TENM2: variants seen among roughly 807,000 people sequenced by gnomAD.
TENM2 encodes the protein teneurin transmembrane protein 2.
Under a neutral mutation model 245.2 loss-of-function variants are expected in TENM2, and 52 were observed. That is an observed-to-expected ratio of 0.21 (90% CI 0.17 to 0.27). The LOEUF (loss-of-function observed/expected upper bound fraction) is 0.27, where lower values mean the gene tolerates loss of function less well. TENM2 is among the 10% of genes least tolerant of loss of function. TENM2 has a pLI of 1.00. For missense variants in TENM2, 3,046 were observed against 3,666.8 expected (o/e 0.83, Z 4.37); for synonymous variants, 1,363 against 1,438.9 (o/e 0.95, Z 1.19).
At chr5:167,690,473 C>G (rs1206311162) in intron 2 of TENM2, among the ~76,000 whole-genome samples, 2 of 152,068 alleles carry the variant, frequency 1.3e-5, no homozygotes, top group Non-Finnish European at 2.9e-5. Flanking sequence ...GGAAGGACTT[C>G]TCATATTTAT....
the TENM2 span, among the ~76,000 whole-genome samples, chr5:167,106,100 A>G: frequency 2.0e-5 from 3 of 152,002 alleles, no homozygotes; most frequent in African/African-American, 7.3e-5. Context: ...ATATTTAAGG[A>G]TTGAATGAGA....
intron 1 of TENM2, among the ~76,000 whole-genome samples, chr5:167,300,265 GAAGTA>G (rs1326721445): frequency 1.3e-5 from 2 of 152,206 alleles, no homozygotes; most frequent in African/African-American, 2.4e-5. Flanking sequence ...GGGCTTGACT[GAAGTA>G]AAGGGGACTG....
At chr5:167,889,921 G>C (rs546642008) in intron 3 of TENM2, among the ~76,000 whole-genome samples, 16 of 152,308 alleles carry the variant, frequency 1.1e-4, no homozygotes, top group Non-Finnish European at 1.8e-4. Flanking sequence ...ACACTAGGCA[G>C]ACTTGGCCTT....
intron 2 of TENM2, among the ~76,000 whole-genome samples, chr5:167,650,647 G>C (rs1754397529): frequency 6.6e-6 from 1 of 152,120 alleles, no homozygotes; most frequent in South Asian, 2.1e-4. Context: ...ATGATACTGG[G>C]AGACAAAATA....
chr5:168,238,227 A>AAG (rs1765728184), intron 25 of TENM2, among the ~76,000 whole-genome samples: 3 of 70,974 alleles, frequency 4.2e-5, no homozygotes, highest in Non-Finnish European at 6.1e-5. Context: ...GAGAGAAGAA[A>AAG]AGAAAAGAAA....
the TENM2 span, among the ~76,000 whole-genome samples, chr5:167,133,618 G>GA: frequency 0.72 from 99,997 of 138,834 alleles, 38,973 homozygotes; most frequent in Middle Eastern, 0.88. Flanking sequence ...CTCAAACTTG[G>GA]AAAAAAAAAA....
chr5:168,262,383 C>A (rs1434342309), exon 29 of TENM2: 1 of 1,598,364 alleles, frequency 6.3e-7, no homozygotes, highest in South Asian at 1.1e-5. Context: ...GACCTGGTCA[C>A]ACTAGGCACC....
intron 2 of TENM2, among the ~76,000 whole-genome samples, chr5:167,712,002 A>G (rs1758942730): frequency 6.6e-6 from 1 of 152,200 alleles, no homozygotes. Context: ...AATCCTTATC[A>G]TATCTATGAA....
At chr5:167,869,420 T>A (rs990176092) in intron 2 of TENM2, among the ~76,000 whole-genome samples, 2 of 152,188 alleles carry the variant, frequency 1.3e-5, no homozygotes, top group African/African-American at 4.8e-5. Context: ...ATTCTTACCT[T>A]TGGGTATGTT....
intron 3 of TENM2, among the ~76,000 whole-genome samples, chr5:167,883,662 A>G (rs551821864): frequency 2.6e-4 from 40 of 152,346 alleles, no homozygotes; most frequent in African/African-American, 8.2e-4. Context: ...CTTGGTACAT[A>G]TAAAAAGATG....
At chr5:167,905,566 T>G (rs1776028424) in intron 3 of TENM2, among the ~76,000 whole-genome samples, 1 of 152,202 alleles carries the variant, frequency 6.6e-6, no homozygotes, top group South Asian at 2.1e-4. Context: ...TGAGACCTTT[T>G]TAAATTTAGC....
At chr5:168,126,625 C>G (rs1169515284) in intron 11 of TENM2, 129 bp from the exon 14 acceptor site, 2 of 668,674 alleles carry the variant, frequency 3.0e-6, no homozygotes, top group East Asian at 5.6e-5. Flanking sequence ...GAGAGACAAG[C>G]CTCCAAAGAT....
At chr5:167,783,150 T>G (rs1477906230) in intron 2 of TENM2, among the ~76,000 whole-genome samples, 1 of 151,012 alleles carries the variant, frequency 6.6e-6, no homozygotes, top group Non-Finnish European at 1.5e-5. Flanking sequence ...GATGAAACAT[T>G]GATTGGCTTC....
intron 2 of TENM2, among the ~76,000 whole-genome samples, chr5:167,675,131 T>C (rs1056881163): frequency 1.8e-4 from 27 of 152,088 alleles, no homozygotes; most frequent in African/African-American, 6.5e-4. Flanking sequence ...CCAATGCCAA[T>C]ATAATATAAT....
chr5:167,009,478 G>T, the TENM2 span, among the ~76,000 whole-genome samples: 25 of 152,086 alleles, frequency 1.6e-4, no homozygotes, highest in African/African-American at 5.5e-4. Context: ...TTTCTTTTTG[G>T]AATAAGGTGT....
intron 27 of TENM2, among the ~76,000 whole-genome samples, chr5:168,249,453 G>GGTGTGTGTGTGTGTGT (rs3084277): frequency 0.028 from 4,125 of 148,852 alleles, 92 homozygotes; most frequent in African/African-American, 0.046. Flanking sequence ...GTTCTCTCAA[G>GGTGTGTGTGTGTGTGT]GTGTGTGTGT....
chr5:167,786,108 T>C (rs1764561705), intron 2 of TENM2, among the ~76,000 whole-genome samples: 1 of 152,250 alleles, frequency 6.6e-6, no homozygotes, highest in South Asian at 2.1e-4. Context: ...CATTTTTTTT[T>C]CTGTCTCTGA....
intron 2 of TENM2, among the ~76,000 whole-genome samples, chr5:167,518,091 C>G (rs1027488685): frequency 6.6e-6 from 1 of 151,466 alleles, no homozygotes; most frequent in African/African-American, 2.4e-5. Context: ...GAGGCTGAGG[C>G]AGGAGATTGT....
At chr5:167,011,897 A>T in the TENM2 span, among the ~76,000 whole-genome samples, 3 of 152,032 alleles carry the variant, frequency 2.0e-5, no homozygotes, top group Non-Finnish European at 4.4e-5. Context: ...TGACTTGTAA[A>T]AGTGCATTGT....
Sources: gnomAD v4.1 joint callset for allele counts (sites outside exome capture counted in the v4.1 genomes callset) on GRCh38, gnomAD v4.1.1 for gene constraint, MANE v1.5 for transcripts, NCBI Gene and HGNC (gene_info 2026-07-23, HGNC 2026-07-21) for gene names.